The following FAM13C variants were observed in gnomAD, a reference collection of about 807,000 sequenced individuals.
The protein encoded by FAM13C is protein FAM13C.
FAM13C carries 37 observed loss-of-function variants against 73.2 expected under a neutral mutation model. That is an observed-to-expected ratio of 0.51 (90% CI 0.39 to 0.67). FAM13C has a LOEUF of 0.67. Among genes scored for constraint, FAM13C ranks in the 30% least tolerant of loss-of-function variants. The probability of loss-of-function intolerance (pLI) is 0.00; values close to 1 mark genes in which losing one functional copy is unlikely to be tolerated. For missense variants in FAM13C, 589 were observed against 715.6 expected (o/e 0.82, Z 2.02); for synonymous variants, 246 against 260.9 (o/e 0.94, Z 0.55).
intron 4 of FAM13C, among the ~76,000 whole-genome samples, chr10:59,319,054 G>A (rs1849871559): frequency 6.9e-6 from 1 of 145,972 alleles, no homozygotes; most frequent in South Asian, 2.2e-4. Context: ...ATTTAAGTAA[G>A]AAACAATTAG....
chr10:59,275,537 G>C (rs1312483779), intron 6 of FAM13C, among the ~76,000 whole-genome samples: 1 of 152,176 alleles, frequency 6.6e-6, no homozygotes, highest in African/African-American at 2.4e-5. Flanking sequence ...AAAATATATA[G>C]GAAACCTGTG....
At chr10:59,304,924 C>T (rs972870527) in intron 4 of FAM13C, among the ~76,000 whole-genome samples, 8 of 151,712 alleles carry the variant, frequency 5.3e-5, no homozygotes, top group Non-Finnish European at 8.8e-5. Flanking sequence ...TCCTTGGTTT[C>T]ACTCTCTTGC....
intron 3 of FAM13C, chr10:59,327,529 T>C (rs1851319951): frequency 2.0e-5 from 3 of 151,844 alleles, no homozygotes; most frequent in South Asian, 4.2e-4. Flanking sequence ...GTAAATAACA[T>C]ATTTGTGAAA....
chr10:59,353,592 A>G (rs1042798091), intron 2 of FAM13C, among the ~76,000 whole-genome samples: 2 of 152,204 alleles, frequency 1.3e-5, no homozygotes, highest in South Asian at 4.1e-4. Flanking sequence ...CAAAGAAGGA[A>G]TGCCCACCAT....
intron 4 of FAM13C, among the ~76,000 whole-genome samples, chr10:59,310,462 C>T (rs1416281499): frequency 1.3e-5 from 2 of 152,068 alleles, no homozygotes; most frequent in Non-Finnish European, 2.9e-5. Context: ...TAGAAAGTTC[C>T]TTTCTCTAGA....
chr10:59,260,764 T>C (rs1842425267), intron 10 of FAM13C, among the ~76,000 whole-genome samples: 1 of 152,210 alleles, frequency 6.6e-6, no homozygotes, highest in South Asian at 2.1e-4. Context: ...ATATCTAGCA[T>C]CTATTCTACT....
chr10:59,359,768 C>G (rs548543615), intron 1 of FAM13C, among the ~76,000 whole-genome samples: 2 of 152,232 alleles, frequency 1.3e-5, no homozygotes, highest in African/African-American at 4.8e-5. Flanking sequence ...TCTGGGTTCC[C>G]ACTTTGAGAT....
intron 3 of FAM13C, among the ~76,000 whole-genome samples, chr10:59,346,992 C>T (rs1167318047): frequency 1.3e-5 from 2 of 152,152 alleles, no homozygotes; most frequent in Non-Finnish European, 2.9e-5. Context: ...TCAATGAACT[C>T]TGGCAATAGC....
intron 5 of FAM13C, chr10:59,297,186 C>T (rs1254272427): frequency 1.3e-5 from 2 of 152,198 alleles, no homozygotes; most frequent in Admixed American, 1.3e-4. Context: ...GGACAAAGCA[C>T]TCATAAAGGG....
At chr10:59,347,531 A>AT (rs1854469394) in intron 3 of FAM13C, among the ~76,000 whole-genome samples, 1 of 151,288 alleles carries the variant, frequency 6.6e-6, no homozygotes, top group Non-Finnish European at 1.5e-5. Context: ...TTTTTTTTTA[A>AT]TTTTTTACTA....
At chr10:59,293,742 C>G (rs1846565848) in intron 5 of FAM13C, among the ~76,000 whole-genome samples, 1 of 152,178 alleles carries the variant, frequency 6.6e-6, no homozygotes, top group South Asian at 2.1e-4. Flanking sequence ...TGATATGTGT[C>G]CCTGTAAACC....
chr10:59,279,240 T>C (rs963841757), intron 6 of FAM13C, among the ~76,000 whole-genome samples: 3 of 152,220 alleles, frequency 2.0e-5, no homozygotes, highest in Non-Finnish European at 4.4e-5. Context: ...CAGCTGTAAA[T>C]TTGATAAGCA....
rs567420180 is a variant in FAM13C, at chr10:59,359,257, T to A, written c.62+3142A>T. Among the ~76,000 whole-genome samples the A allele has an allele frequency of 8.7e-4, 133 of 152,328 alleles. 1 individual carries two copies. The highest frequency in any genetic ancestry group is 1.4e-3 in the Non-Finnish European group (95 of 68,028). On this transcript the variant is annotated intron_variant, in intron 1 of 13. Coordinates refer to ENST00000618804, the MANE Select transcript of FAM13C (RefSeq NM_198215.4). The stretch of plus-strand genomic sequence containing the variant: ...AGGCCTCAATCGGTGAAGCCTGGAT[T>A]GTTTCTGCTCCACCACATTAAGCCC...
intron 3 of FAM13C, among the ~76,000 whole-genome samples, chr10:59,346,599 C>G (rs1258220745): frequency 6.6e-6 from 1 of 152,160 alleles, no homozygotes; most frequent in Non-Finnish European, 1.5e-5. Context: ...GGCAGCAGGA[C>G]AGTGCATAGC....
chr10:59,302,907 T>C (rs1323474516), intron 4 of FAM13C, 43 bp from the exon 5 acceptor site: 2 of 1,577,764 alleles, frequency 1.3e-6, no homozygotes, highest in Admixed American at 1.7e-5. Context: ...AAAAGAAACG[T>C]TTCAGTGATG....
rs1412071667 is a variant in FAM13C at position 59,306,760 on chromosome 10, A to T, written c.444-3896T>A. Among the ~76,000 whole-genome samples, 3 of 152,356 alleles carry T rather than the reference A, an allele frequency of 2.0e-5. No homozygotes were observed. In the East Asian group the frequency reaches 5.8e-4, roughly 29 times the overall value. On this transcript the variant is annotated intron_variant, in intron 4 of 13. Transcript: ENST00000618804. ...TATGGCGGTGTGCACCTGTAATCCC[A>T]GCTACTCAGGAGGCTGAGGCAGGAG...
intron 3 of FAM13C, among the ~76,000 whole-genome samples, chr10:59,330,983 C>G (rs183047894): frequency 6.6e-6 from 1 of 152,140 alleles, no homozygotes; most frequent in African/African-American, 2.4e-5. Flanking sequence ...CTAGGATTCA[C>G]AAACTGGTCA....
Position 59,352,280 on chromosome 10 carries a change from C to T in FAM13C, c.314G>A (p.Gly105Glu). The T allele has an allele frequency of 6.2e-7, 1 of 1,613,874 alleles. No individual in the cohort carries two copies. Among genetic ancestry groups the T allele is most frequent in the Non-Finnish European group, 8.5e-7 (1 of 1,179,968 alleles). The change falls in exon 3 of 14, where the codon GGA becomes GAA. Residue 105 changes from glycine to glutamate, a missense_variant. By Grantham distance (98) the Gly-to-Glu change is moderately conservative. Coordinates refer to ENST00000618804, the MANE Select transcript of FAM13C (RefSeq NM_198215.4). ...AGAGAGAGCTGCTACCTGACTTTCT[C>T]CGTGGCTCCTCCCGCTCTCCGCTTT... ...IFKAESGRSH[G>E]ESQETEHVVS... is the part of the protein sequence containing the mutation.
chr10:59,247,835 C>T (rs530693223), intron 13 of FAM13C, 98 bp from the exon 14 acceptor site: 1 of 1,157,640 alleles, frequency 8.6e-7, no homozygotes, highest in Non-Finnish European at 1.2e-6. Context: ...CTGTAACGGC[C>T]TCCACTTGGT....
Sources: allele counts gnomAD v4.1 joint callset (sites outside exome capture counted in the v4.1 genomes callset), GRCh38; gene constraint gnomAD v4.1.1; transcripts MANE v1.5; gene names NCBI Gene and HGNC (gene_info 2026-07-23, HGNC 2026-07-21).